GRM3: variants seen among roughly 807,000 people sequenced by gnomAD.
The protein encoded by GRM3 is metabotropic glutamate receptor 3.
GRM3 carries 26 observed loss-of-function variants against 70.5 expected under a neutral mutation model. That is an observed-to-expected ratio of 0.37 (90% CI 0.27 to 0.51). GRM3 has a LOEUF of 0.51. GRM3 is among the 20% of genes least tolerant of loss of function. GRM3 has a pLI of 0.93. For synonymous variants in GRM3, 443 were observed against 434.9 expected (o/e 1.02, Z -0.23); for missense variants, 859 against 1,123.8 (o/e 0.76, Z 3.37).
intron 5 of GRM3, among the ~76,000 whole-genome samples, chr7:86,853,092 T>C (rs1445318191): frequency 1.3e-5 from 2 of 152,154 alleles, no homozygotes; most frequent in African/African-American, 2.4e-5. Flanking sequence ...CCATGAAGCT[T>C]GGTGTCTAGG....
intron 1 of GRM3, among the ~76,000 whole-genome samples, chr7:86,648,625 A>G (rs1018063623): frequency 3.3e-5 from 5 of 152,196 alleles, no homozygotes; most frequent in Non-Finnish European, 7.4e-5. Flanking sequence ...ACCGTGCTGC[A>G]TTATGAAAAG....
At chr7:86,734,123 C>A (rs1795801828) in intron 1 of GRM3, among the ~76,000 whole-genome samples, 1 of 152,088 alleles carries the variant, frequency 6.6e-6, no homozygotes, top group Non-Finnish European at 1.5e-5. Context: ...AGACTGGGGA[C>A]TCCAAAGAAT....
At chr7:86,746,049 C>T (rs1796094426) in intron 1 of GRM3, among the ~76,000 whole-genome samples, 1 of 151,878 alleles carries the variant, frequency 6.6e-6, no homozygotes, top group Admixed American at 6.6e-5. Flanking sequence ...CCCCTTTTCT[C>T]CTCCCTTCCT....
intron 1 of GRM3, among the ~76,000 whole-genome samples, chr7:86,674,514 A>G (rs1211989060): frequency 3.3e-5 from 5 of 152,170 alleles, no homozygotes. Flanking sequence ...TAAGAGAAGG[A>G]GCATCAAAGA....
intron 3 of GRM3, among the ~76,000 whole-genome samples, chr7:86,788,478 T>G (rs534307377): frequency 3.2e-4 from 49 of 152,356 alleles, no homozygotes; most frequent in African/African-American, 1.2e-3. Flanking sequence ...TGGATACCAC[T>G]TCTTATCATT....
Position 86,839,951 on chromosome 7 carries a change from G to A in GRM3, c.2391+46G>A, listed in dbSNP as rs762575810. On this transcript the variant is annotated intron_variant, in intron 4 of 5. Coordinates refer to ENST00000361669, the MANE Select transcript of GRM3 (RefSeq NM_000840.3). This position sits in a 1 kb window ranked among gnomAD's most constrained non-coding sequence, Gnocchi z 4.5. ...TATTTTTCTTGTTCTTTCTCCTCCA[G>A]TGTTTCTTGTGTAGTATTTAAAATA... 2.1e-5 allele frequency: 23 copies of A among 1,081,132 alleles called. No homozygotes were observed. In the African/African-American group the frequency reaches 3.4e-4, roughly 16 times the overall value. The allele number at this position is 1,081,132 out of a possible 1,614,324, so 67.0% of individuals were successfully genotyped here.
intron 1 of GRM3, among the ~76,000 whole-genome samples, chr7:86,725,449 A>C (rs1421754509): frequency 6.6e-6 from 1 of 152,118 alleles, no homozygotes; most frequent in African/African-American, 2.4e-5. Context: ...GGAGTATGAC[A>C]ATGACAGGCG....
chr7:86,767,220 A>G (rs1015540645), intron 2 of GRM3, among the ~76,000 whole-genome samples: 10 of 152,176 alleles, frequency 6.6e-5, no homozygotes, highest in Admixed American at 5.2e-4. Context: ...CTCAAAAAAA[A>G]AAATGTAAAT....
At chr7:86,747,459 T>C (rs1301294470) in intron 1 of GRM3, among the ~76,000 whole-genome samples, 4 of 152,142 alleles carry the variant, frequency 2.6e-5, no homozygotes, top group Admixed American at 6.6e-5. Context: ...TGGTGATATT[T>C]AATATCTTTA....
intron 1 of GRM3, among the ~76,000 whole-genome samples, chr7:86,729,670 G>C (rs868406746): frequency 6.6e-6 from 1 of 152,240 alleles, no homozygotes; most frequent in Non-Finnish European, 1.5e-5. Flanking sequence ...CAGGATCTGA[G>C]TGAATTATTT....
chr7:86,702,158 C>G (rs547067252), intron 1 of GRM3, among the ~76,000 whole-genome samples: 1 of 151,942 alleles, frequency 6.6e-6, no homozygotes, highest in Non-Finnish European at 1.5e-5. Flanking sequence ...ACAGAAGATA[C>G]TAAGCTTACC....
intron 2 of GRM3, among the ~76,000 whole-genome samples, chr7:86,782,730 T>C (rs970647674): frequency 7.1e-4 from 108 of 152,214 alleles, no homozygotes; most frequent in African/African-American, 2.4e-3. Context: ...AAATGCAGCC[T>C]AGCACCCAGT....
Position 86,765,011 on chromosome 7 carries a change from T to A in GRM3, c.-135T>A. On this transcript the variant is annotated 5_prime_UTR_variant, in exon 2 of 6. The change creates a new upstream start codon in the 5' untranslated region. Transcript: ENST00000361669. ...TATAATTTTTATCTCTTTAGGAATT[T>A]TGTGACAGGCTCTGTTAGTCTGTTC... The A allele has an allele frequency of 6.8e-7, 1 of 1,471,222 alleles. No individual in the cohort carries two copies. 91.1% of individuals were successfully genotyped at this position (1,471,222 alleles called of 1,614,324 possible).
intron 1 of GRM3, among the ~76,000 whole-genome samples, chr7:86,730,405 A>G (rs1227248153): frequency 2.6e-5 from 4 of 152,244 alleles, no homozygotes; most frequent in African/African-American, 9.6e-5. Flanking sequence ...GGGCGTCAAG[A>G]GCGAAACTCT....
chr7:86,802,616 T>G (rs1797707827), intron 3 of GRM3, among the ~76,000 whole-genome samples: 1 of 151,242 alleles, frequency 6.6e-6, no homozygotes, highest in Non-Finnish European at 1.5e-5. Context: ...AAAAACGTAA[T>G]CAGGCTACAG....
chr7:86,645,097 A>T (rs2115735900), intron 1 of GRM3: 2 of 345,576 alleles, frequency 5.8e-6, no homozygotes, highest in Admixed American at 7.9e-5. Flanking sequence ...GAGGAGGGAG[A>T]TTTCAGGGCA....
chr7:86,766,382 A>G (rs191822370), intron 2 of GRM3, among the ~76,000 whole-genome samples: 19 of 136,484 alleles, frequency 1.4e-4, no homozygotes, highest in Non-Finnish European at 1.7e-4. Flanking sequence ...TACTACCATT[A>G]AAAAAAAAAA....
intron 3 of GRM3, among the ~76,000 whole-genome samples, chr7:86,821,891 T>TC (rs1798128454): frequency 6.6e-6 from 1 of 152,104 alleles, no homozygotes; most frequent in Non-Finnish European, 1.5e-5. Context: ...GTGGGATTTT[T>TC]CCCCATCTTC....
chr7:86,758,438 G>A (rs890624636), intron 1 of GRM3, among the ~76,000 whole-genome samples: 1 of 152,126 alleles, frequency 6.6e-6, no homozygotes, highest in African/African-American at 2.4e-5. Flanking sequence ...CAGGGAATTT[G>A]GAGAGGCTCT....
Sources: allele counts gnomAD v4.1 joint callset (sites outside exome capture counted in the v4.1 genomes callset), GRCh38; gene constraint gnomAD v4.1.1; non-coding constraint Gnocchi (gnomAD v3.1); transcripts MANE v1.5; gene names NCBI Gene and HGNC (gene_info 2026-07-23, HGNC 2026-07-21).